ASIC4: variants seen among roughly 807,000 people sequenced by gnomAD.
ASIC4 encodes acid-sensing ion channel 4.
Under a neutral mutation model 53.4 loss-of-function variants are expected in ASIC4, and 28 were observed. The observed-to-expected ratio is 0.52, with a 90% CI of 0.39 to 0.72. The LOEUF is 0.72. ASIC4 is among the 30% of genes least tolerant of loss of function. The probability of loss-of-function intolerance (pLI) is 0.00; values close to 1 mark genes in which losing one functional copy is unlikely to be tolerated. For synonymous variants in ASIC4, 289 were observed against 301.4 expected (o/e 0.96, Z 0.43); for missense variants, 649 against 729.7 (o/e 0.89, Z 1.27).
At position 219,516,713 on chromosome 2, in the gene ASIC4, C is replaced by G. The variant is rs1412914383; in HGVS notation, c.582+1407C>G. ...TCACTCACCCGCTGCCTCAGGATCA[C>G]CAGGAAACATGCTCCAGCCAACGAG... On this transcript the variant is annotated intron_variant, in intron 1 of 9. Coordinates refer to ENST00000358078, the MANE Select transcript of ASIC4 (RefSeq NM_018674.6). This position sits in a 1 kb window ranked among gnomAD's most constrained non-coding sequence, Gnocchi z 4.9. 6.6e-6 allele frequency: 1 copy of G among 152,386 alleles called. No individual in the cohort carries two copies. The allele number at this position is 152,386 out of a possible 1,614,324, so 9.4% of individuals were successfully genotyped here.
intron 1 of ASIC4, among the ~76,000 whole-genome samples, chr2:219,515,813 A>G (rs937983146): frequency 1.3e-5 from 2 of 152,112 alleles, no homozygotes; most frequent in Non-Finnish European, 2.9e-5. Context: ...GGCAGGCTGG[A>G]GAGACCCGGT....
At chr2:219,533,647 G>A (rs1247801911) in intron 5 of ASIC4, 1 of 153,886 alleles carries the variant, frequency 6.5e-6, no homozygotes. Context: ...GACATACACT[G>A]AAGACCTGTG....
In ASIC4 at chr2:219,537,272, T is replaced by C. The variant is rs759956611; in HGVS notation, c.1352T>C (p.Ile451Thr). ...CTCGGGGGACAGATGGGCCTGTTCA[T>C]TGGGGCCAGCATCCTCACGTTGCTG... ...GDLGGQMGLF[I>T]GASILTLLEI... Residue 451 changes from isoleucine to threonine, a missense_variant, in exon 8 of 10, where the codon ATT (isoleucine) becomes ACT (threonine). By Grantham distance (89) the Ile-to-Thr change is moderately conservative. Transcript: ENST00000358078. The surrounding 1 kb of genome is among the most constrained non-coding windows in gnomAD (Gnocchi z 4.9). 111 of 1,613,648 alleles carry C rather than the reference T, an allele frequency of 6.9e-5. 1 individual carries two copies. The highest frequency in any genetic ancestry group is 1.6e-4 in the Middle Eastern group (1 of 6,084).
chr2:219,533,091 G>A (rs759077003), intron 5 of ASIC4, 152 bp downstream of exon 5: 8 of 820,920 alleles, frequency 9.7e-6, no homozygotes, highest in Non-Finnish European at 1.6e-5. Context: ...AGTGGGGTTG[G>A]GGAGAGGTCT....
At chr2:219,535,366 G>A (rs1362381206) in intron 6 of ASIC4, 42 bp downstream of exon 6, 1 of 1,525,302 alleles carries the variant, frequency 6.6e-7, no homozygotes, top group African/African-American at 1.4e-5. Context: ...GTGACTCTGT[G>A]TGTACGTGTG....
At chr2:219,519,789 C>A (rs1402377431) in intron 1 of ASIC4, among the ~76,000 whole-genome samples, 1 of 152,044 alleles carries the variant, frequency 6.6e-6, no homozygotes, top group Non-Finnish European at 1.5e-5. Flanking sequence ...CAACTGGGAC[C>A]ACAGGATATA....
chr2:219,515,975 A>G (rs1307224871), intron 1 of ASIC4, among the ~76,000 whole-genome samples: 1 of 152,052 alleles, frequency 6.6e-6, no homozygotes, highest in Non-Finnish European at 1.5e-5. Context: ...AGCGGCTCCC[A>G]TGCCCAGCTC....
chr2:219,535,090 C>G, intron 5 of ASIC4, 81 bp from the exon 6 acceptor site: 31 of 1,536,446 alleles, frequency 2.0e-5, no homozygotes, highest in Non-Finnish European at 2.6e-5. Context: ...AGGACGGCCC[C>G]TGGGCCTCCT....
chr2:219,534,912 G>A (rs1034906085), intron 5 of ASIC4, among the ~76,000 whole-genome samples: 2 of 143,700 alleles, frequency 1.4e-5, no homozygotes, highest in Admixed American at 1.4e-4. Flanking sequence ...TCTGGGCCAC[G>A]AGGACCCCCC....
At chr2:219,525,277 T>C (rs1265673657) in intron 1 of ASIC4, among the ~76,000 whole-genome samples, 3 of 152,238 alleles carry the variant, frequency 2.0e-5, no homozygotes, top group African/African-American at 7.2e-5. Context: ...GCCTTTCACA[T>C]ACTTCCTCTC....
upstream of ASIC4, among the ~76,000 whole-genome samples, chr2:219,510,228 T>G (rs12470806): frequency 0.28 from 40,658 of 145,784 alleles, 5,681 homozygotes; most frequent in South Asian, 0.47. This position sits in a 1 kb window ranked among gnomAD's most constrained non-coding sequence, Gnocchi z 5.2. Context: ...GCTCCCCACA[T>G]GCCCCTCGGA....
At chr2:219,526,652 C>CG (rs1434985967) in intron 1 of ASIC4, among the ~76,000 whole-genome samples, 3 of 151,506 alleles carry the variant, frequency 2.0e-5, no homozygotes, top group Non-Finnish European at 2.9e-5. Flanking sequence ...CAGAGGCTAG[C>CG]GAGGCAGACA....
chr2:219,514,118 C>A (rs1187855031), upstream of ASIC4: 3 of 572,716 alleles, frequency 5.2e-6, no homozygotes, highest in African/African-American at 5.7e-5. Flanking sequence ...GAGCTGAGGA[C>A]CCTGGGCACG....
chr2:219,508,190 G>A, the ASIC4 span, among the ~76,000 whole-genome samples: 1 of 152,206 alleles, frequency 6.6e-6, no homozygotes, highest in African/African-American at 2.4e-5. Flanking sequence ...TCACCCCAAG[G>A]AAGGGGCTGG....
chr2:219,512,945 G>T (rs1209862170), upstream of ASIC4, among the ~76,000 whole-genome samples: 1 of 152,212 alleles, frequency 6.6e-6, no homozygotes, highest in Non-Finnish European at 1.5e-5. Flanking sequence ...TGGCCTTGCA[G>T]CCAGGGTGGG....
rs73087255 is a variant in ASIC4 at position 219,528,943 on chromosome 2, C to T, written c.583-2815C>T. On this transcript the variant is annotated intron_variant, in intron 1 of 9. Transcript: ENST00000358078. ...AGTCGGGCTGTCTTGCTGGGTTCTC[C>T]TCCTTTACCTAGTGCCTTTCTACTC... Among the ~76,000 whole-genome samples the T allele has an allele frequency of 5.3e-3, 801 of 152,302 alleles. 5 individuals carry two copies. Among genetic ancestry groups the T allele is most frequent in the African/African-American group, 0.018 (745 of 41,562 alleles).
rs182222107 is a variant in ASIC4, at chr2:219,531,906, C to T, written c.727+4C>T. 4.5e-4 allele frequency: 724 copies of T among 1,610,752 alleles called. 2 individuals carry two copies. In the East Asian group the frequency reaches 7.3e-3, roughly 16 times the overall value. ...CTGCCCATCTGGAGGGAGACAAGTACGCAGGCCGGAAAGGGACAAGGGCCA... is the reference window on the plus strand; with the variant it reads ...CTGCCCATCTGGAGGGAGACAAGTATGCAGGCCGGAAAGGGACAAGGGCCA... On this transcript the variant is annotated splice_donor_region_variant and intron_variant, in intron 2 of 9. Coordinates refer to ENST00000358078, the MANE Select transcript of ASIC4 (RefSeq NM_018674.6).
chr2:219,528,070 C>A (rs1016987466), intron 1 of ASIC4, among the ~76,000 whole-genome samples: 1 of 152,268 alleles, frequency 6.6e-6, no homozygotes, highest in Admixed American at 6.5e-5. Flanking sequence ...AGCCTTTCAA[C>A]TGGAGCATAT....
At chr2:219,522,737 C>A (rs1025867136) in intron 1 of ASIC4, among the ~76,000 whole-genome samples, 31 of 152,046 alleles carry the variant, frequency 2.0e-4, no homozygotes, top group Admixed American at 2.0e-3. Context: ...CGCCCCCTCC[C>A]CGGCCGCCGC....
Sources: gnomAD v4.1 joint callset for allele counts (sites outside exome capture counted in the v4.1 genomes callset) on GRCh38, gnomAD v4.1.1 for gene constraint, Gnocchi (gnomAD v3.1) non-coding constraint, MANE v1.5 for transcripts, NCBI Gene and HGNC (gene_info 2026-07-23, HGNC 2026-07-21) for gene names.